LGALS8: variants seen among roughly 807,000 people sequenced by gnomAD.
LGALS8 encodes galectin 8.
Under a neutral mutation model 35.9 loss-of-function variants are expected in LGALS8, and 30 were observed. That is an observed-to-expected ratio of 0.83 (90% CI 0.62 to 1.13). The LOEUF (loss-of-function observed/expected upper bound fraction) is 1.13, where lower values mean the gene tolerates loss of function less well. LGALS8 is among the 50% of genes most tolerant of loss of function. The pLI, the probability that LGALS8 is intolerant of heterozygous loss-of-function variation, is 0.00. For missense variants in LGALS8, 366 were observed against 388.7 expected (o/e 0.94, Z 0.49); for synonymous variants, 138 against 136.1 (o/e 1.01, Z -0.10).
chr1:236,550,685 T>C lies in LGALS8; in HGVS notation c.*2524T>C, dbSNP rs1662688072. Reference sequence around the variant, plus strand: ...GCAGTCTGTATAAAAATACCGTGTATCATTTACTCTTTCTGCAGCTCTATA... The same window carrying C: ...GCAGTCTGTATAAAAATACCGTGTACCATTTACTCTTTCTGCAGCTCTATA... On this transcript the variant is annotated 3_prime_UTR_variant, in exon 10 of 10. Coordinates refer to ENST00000366584, the MANE Select transcript of LGALS8 (RefSeq NM_201544.4). The C allele has an allele frequency of 2.2e-6, 1 of 462,984 alleles. No homozygotes were observed. The highest frequency in any genetic ancestry group is 4.7e-5 in the South Asian group (1 of 21,416). 28.7% of individuals were successfully genotyped at this position (462,984 alleles called of 1,614,324 possible). A position where few individuals can be genotyped will look rare whatever the true frequency, so the allele number is the denominator to read the frequency against.
Position 236,524,000 on chromosome 1 carries a change from G to C in LGALS8, c.-165G>C. The C allele has an allele frequency of 5.0e-6, 2 of 402,958 alleles. No individual in the cohort carries two copies. Among genetic ancestry groups the C allele is most frequent in the South Asian group, 1.8e-5 (1 of 56,824 alleles). 25.0% of individuals were successfully genotyped at this position (402,958 alleles called of 1,614,324 possible). A position where few individuals can be genotyped will look rare whatever the true frequency, so the allele number is the denominator to read the frequency against. Reference sequence around the variant, plus strand: ...CACGGACGCCAGAGCCGGGAACCCTGACGGCACTTAGCTGCTGACAAACAA... The same window carrying C: ...CACGGACGCCAGAGCCGGGAACCCTCACGGCACTTAGCTGCTGACAAACAA... On this transcript the variant is annotated 5_prime_UTR_variant, in exon 1 of 10. Coordinates refer to ENST00000366584, the MANE Select transcript of LGALS8 (RefSeq NM_201544.4).
intron 2 of LGALS8, among the ~76,000 whole-genome samples, chr1:236,530,170 TTAA>T (rs1303046076): frequency 6.6e-6 from 1 of 152,258 alleles, no homozygotes; most frequent in Non-Finnish European, 1.5e-5. Flanking sequence ...TTACTCCAAG[TTAA>T]TAAGTTGCTT....
intron 4 of LGALS8, 92 bp from the exon 5 acceptor site, chr1:236,540,444 GACCTGTGGGAACAGGTATAAAACTGGAC>G: frequency 8.6e-7 from 1 of 1,161,956 alleles, no homozygotes; most frequent in Non-Finnish European, 1.2e-6. Context: ...TGTGTGTGGA[GACCTGTGGGAACAGGTATAAAACTGGAC>G]GCAAGGAAAC....
In LGALS8 at chr1:236,541,921, G is replaced by GGA. The variant is rs540594832; in HGVS notation, c.522+211_522+212insGA. Among the ~76,000 whole-genome samples, 24 of 152,294 alleles carry GGA rather than the reference G, an allele frequency of 1.6e-4. 1 individual carries two copies. The South Asian group carries it at 5.0e-3, about 32-fold the overall frequency. On this transcript the variant is annotated intron_variant, in intron 6 of 9. Coordinates refer to ENST00000366584, the MANE Select transcript of LGALS8 (RefSeq NM_201544.4). ...TCAGTTTCTGTAACTGCCACTCACTGTTCTTATGTAAAAAGCACTCTCTCA... is the reference window on the plus strand; with the variant it reads ...TCAGTTTCTGTAACTGCCACTCACTGGATTCTTATGTAAAAAGCACTCTCTCA...
At chr1:236,518,586 G>GAAT (rs1385344521), upstream of LGALS8, 1 of 152,142 alleles carries the variant, frequency 6.6e-6, no homozygotes, top group African/African-American at 2.4e-5. Context: ...TTTCTCATGA[G>GAAT]AATAGCAGGG....
intron 4 of LGALS8, among the ~76,000 whole-genome samples, chr1:236,539,463 G>C (rs1359485290): frequency 1.3e-5 from 2 of 152,126 alleles, no homozygotes; most frequent in African/African-American, 4.8e-5. Context: ...AAATCAGAAG[G>C]GTTTTGTAAA....
rs2758200 is a variant in LGALS8 at position 236,548,841 on chromosome 1, C to G, written c.*680C>G. Reference sequence around the variant, plus strand: ...CTTTACCAAGTAATTGGCATGACATCTGAGCACAGAAATTAAGGCAAAAAA... The same window carrying G: ...CTTTACCAAGTAATTGGCATGACATGTGAGCACAGAAATTAAGGCAAAAAA... On this transcript the variant is annotated 3_prime_UTR_variant, in exon 10 of 10. Coordinates refer to ENST00000366584, the MANE Select transcript of LGALS8 (RefSeq NM_201544.4). The G allele has an allele frequency of 2.5e-6, 1 of 398,024 alleles. No individual in the cohort carries two copies. Among genetic ancestry groups the G allele is most frequent in the African/African-American group, 2.1e-5 (1 of 48,728 alleles). The allele number at this position is 398,024 out of a possible 1,614,324, so 24.7% of individuals were successfully genotyped here.
At chr1:236,537,426 G>A in intron 2 of LGALS8, 71 bp from the exon 3 acceptor site, 1 of 881,592 alleles carries the variant, frequency 1.1e-6, no homozygotes, top group South Asian at 1.3e-5. Flanking sequence ...TCAATAATGA[G>A]TGTGGGTTGT....
intron 5 of LGALS8, among the ~76,000 whole-genome samples, chr1:236,540,970 T>G (rs1418904049): frequency 6.6e-6 from 1 of 152,204 alleles, no homozygotes; most frequent in Non-Finnish European, 1.5e-5. Flanking sequence ...AGTATTTCTG[T>G]AAGACAGGTT....
chr1:236,548,012 A>T lies in LGALS8; in HGVS notation c.805A>T (p.Met269Leu). The change falls in exon 10 of 10, where the codon ATG (methionine) becomes TTG (leucine). Residue 269 changes from methionine (M) to leucine (L), a missense_variant and splice_region_variant. Transcript: ENST00000366584. ...FPFSPGMYFE[M>L]IIYCDVREFK... ...AATGGCATGTATCCTTTCCTTTCAGATGATAATTTATTGTGATGTTAGAGA... is the reference window on the plus strand; with the variant it reads ...AATGGCATGTATCCTTTCCTTTCAGTTGATAATTTATTGTGATGTTAGAGA... 6.2e-7 allele frequency: 1 copy of T among 1,610,034 alleles called. No homozygotes were observed. Among genetic ancestry groups the T allele is most frequent in the African/African-American group, 1.3e-5 (1 of 74,972 alleles).
Position 236,550,887 on chromosome 1 carries a change from A to C in LGALS8, c.*2726A>C, listed in dbSNP as rs200460968. 199 of 1,573,038 alleles carry C rather than the reference A, an allele frequency of 1.3e-4. No individual in the cohort carries two copies. Among genetic ancestry groups the C allele is most frequent in the Non-Finnish European group, 1.7e-4 (194 of 1,161,356 alleles). ...GTGTGAACTCTGAGTAGAGTATGAA[A>C]CACCACAGAAAGTCTTAGAAATAGC... On this transcript the variant is annotated 3_prime_UTR_variant, in exon 10 of 10. Coordinates refer to ENST00000366584, the MANE Select transcript of LGALS8 (RefSeq NM_201544.4).
chr1:236,535,936 T>TGC (rs1474925900), intron 2 of LGALS8, among the ~76,000 whole-genome samples: 1 of 152,222 alleles, frequency 6.6e-6, no homozygotes, highest in African/African-American at 2.4e-5. Context: ...TCATTCACCA[T>TGC]GCAGTTACCG....
intron 1 of LGALS8, chr1:236,524,457 T>A (rs2103063859): frequency 2.2e-6 from 1 of 456,482 alleles, no homozygotes; most frequent in East Asian, 7.0e-5. Context: ...TCTGGGGAAG[T>A]TTCCTTCCCG....
At position 236,543,789 on chromosome 1, in the gene LGALS8, T is replaced by A. The variant is rs41305947; in HGVS notation, c.638+141T>A. ...AAAGTGAGATGATTCAAGCAGGAGG[T>A]GGTTAGATTGTGAACAGCCAGTGGG... On this transcript the variant is annotated intron_variant, in intron 8 of 9. Transcript: ENST00000366584. 30,338 of 685,218 alleles carry A rather than the reference T, an allele frequency of 0.044. 1,467 individuals are homozygous for A. Among genetic ancestry groups the A allele is most frequent in the African/African-American group, 0.19 (10,941 of 56,136 alleles). 42.4% of individuals were successfully genotyped at this position (685,218 alleles called of 1,614,324 possible). A position where few individuals can be genotyped will look rare whatever the true frequency, so the allele number is the denominator to read the frequency against.
intron 2 of LGALS8, among the ~76,000 whole-genome samples, chr1:236,535,174 T>C (rs1254767440): frequency 6.6e-6 from 1 of 150,542 alleles, no homozygotes; most frequent in African/African-American, 2.5e-5. Context: ...GCTATAGAAA[T>C]ATCGATGCTT....
chr1:236,522,081 C>T (rs1660567855), upstream of LGALS8, among the ~76,000 whole-genome samples: 2 of 152,082 alleles, frequency 1.3e-5, no homozygotes, highest in Non-Finnish European at 2.9e-5. Context: ...TGAATATTTG[C>T]TTATTTAAAA....
chr1:236,539,321 C>A lies in LGALS8; in HGVS notation c.345+232C>A, dbSNP rs1360809602. The A allele has an allele frequency of 1.2e-5, 6 of 508,716 alleles. No homozygotes were observed. The East Asian group carries it at 2.0e-4, about 17-fold the overall frequency. 31.5% of individuals were successfully genotyped at this position (508,716 alleles called of 1,614,324 possible). On this transcript the variant is annotated intron_variant, in intron 4 of 9. Coordinates refer to ENST00000366584, the MANE Select transcript of LGALS8 (RefSeq NM_201544.4). ...GAAATATGGTCCACTGTGACCAGAT[C>A]TTTTTATTAGATCCTATTTCTCCTA...
chr1:236,526,200 G>A lies in LGALS8; in HGVS notation c.45+85G>A, dbSNP rs556253921. 2.3e-5 allele frequency: 23 copies of A among 1,013,724 alleles called. No individual in the cohort carries two copies. The South Asian group carries it at 2.5e-4, about 11-fold the overall frequency. 62.8% of individuals were successfully genotyped at this position (1,013,724 alleles called of 1,614,324 possible). ...AATTATCCATTGGGAGACAGGGCAAGAATAAAAGCCAGTGAACATATTTAA... is the reference window on the plus strand; with the variant it reads ...AATTATCCATTGGGAGACAGGGCAAAAATAAAAGCCAGTGAACATATTTAA... On this transcript the variant is annotated intron_variant, in intron 2 of 9. Transcript: ENST00000366584. The surrounding 1 kb of genome is among the most constrained non-coding windows in gnomAD (Gnocchi z 4.6).
intron 2 of LGALS8, among the ~76,000 whole-genome samples, chr1:236,529,609 G>C (rs1661027716): frequency 7.0e-6 from 1 of 142,400 alleles, no homozygotes; most frequent in Admixed American, 7.4e-5. Flanking sequence ...AAAAAAGTTA[G>C]GCTTCCTTTT....
Sources: gnomAD v4.1 joint callset for allele counts (sites outside exome capture counted in the v4.1 genomes callset) on GRCh38, gnomAD v4.1.1 for gene constraint, Gnocchi (gnomAD v3.1) non-coding constraint, MANE v1.5 for transcripts, NCBI Gene and HGNC (gene_info 2026-07-23, HGNC 2026-07-21) for gene names.